Variants in WWOX observed in about 807,000 individuals in gnomAD.
WWOX encodes the protein WW domain containing oxidoreductase.
A neutral mutation model predicts 46.2 loss-of-function variants in WWOX; 69 were observed. The ratio of observed to expected loss-of-function variants is 1.49; its 90% CI spans 1.23 to 1.82. The LOEUF (loss-of-function observed/expected upper bound fraction) is 1.82, where lower values mean the gene tolerates loss of function less well. Ranked by LOEUF, WWOX falls within the 40% of genes most tolerant of loss-of-function variation. The pLI, the probability that WWOX is intolerant of heterozygous loss-of-function variation, is 0.00. For missense variants in WWOX, 919 were observed against 542.6 expected, an observed-to-expected ratio of 1.69 and a Z score of -6.89; for synonymous variants, 359 against 202.6, an observed-to-expected ratio of 1.77 and a Z score of -6.56.
chr16:78,569,073 C>T (rs938125708), intron 8 of WWOX, among the ~76,000 whole-genome samples: 2 of 152,128 alleles, frequency 1.3e-5, no homozygotes, highest in African/African-American at 2.4e-5. Flanking sequence ...TCATTACAGG[C>T]CACTCTGTCT....
intron 5 of WWOX, among the ~76,000 whole-genome samples, chr16:78,175,934 C>T (rs147356820): frequency 2.0e-5 from 3 of 152,110 alleles, no homozygotes; most frequent in African/African-American, 7.2e-5. Context: ...TGCAAGGAAT[C>T]CTAAGTTCCC....
In WWOX at chr16:78,383,573, C is replaced by T. The variant is rs146461826; in HGVS notation, c.517-3287C>T. Among the ~76,000 whole-genome samples the T allele has an allele frequency of 8.8e-3, 1,339 of 152,236 alleles. 9 individuals carry two copies. The highest frequency in any genetic ancestry group is 0.014 in the Non-Finnish European group (968 of 68,026). On this transcript the variant is annotated intron_variant, in intron 5 of 8. Coordinates refer to ENST00000566780, the MANE Select transcript of WWOX (RefSeq NM_016373.4). Reference sequence around the variant, plus strand: ...TCCGTTTGCAATCTGTCAGCCACTACCTTCTTATTTAGAGCATGTCCCACT... The same window carrying T: ...TCCGTTTGCAATCTGTCAGCCACTATCTTCTTATTTAGAGCATGTCCCACT...
chr16:78,699,315 C>T (rs2048163777), intron 8 of WWOX, among the ~76,000 whole-genome samples: 1 of 150,852 alleles, frequency 6.6e-6, no homozygotes, highest in Admixed American at 6.6e-5. Flanking sequence ...GGGTGGATCG[C>T]TTGAGCTGAG....
intron 5 of WWOX, among the ~76,000 whole-genome samples, chr16:78,211,853 G>A (rs1428621205): frequency 3.3e-5 from 5 of 152,164 alleles, no homozygotes; most frequent in African/African-American, 7.2e-5. Context: ...ACCAGAATAT[G>A]GTGTGGAAAG....
chr16:78,405,697 A>G (rs1382121187), intron 6 of WWOX, among the ~76,000 whole-genome samples: 1 of 152,178 alleles, frequency 6.6e-6, no homozygotes, highest in African/African-American at 2.4e-5. Flanking sequence ...AACAGGAAAT[A>G]TCCTCTTTTA....
At chr16:78,671,540 C>A (rs564867316) in intron 8 of WWOX, among the ~76,000 whole-genome samples, 2 of 152,106 alleles carry the variant, frequency 1.3e-5, no homozygotes, top group South Asian at 4.2e-4. Flanking sequence ...GTACAACAAC[C>A]CTGCCCCTTC....
intron 8 of WWOX, among the ~76,000 whole-genome samples, chr16:78,882,188 A>T (rs939299009): frequency 6.6e-6 from 1 of 152,228 alleles, no homozygotes; most frequent in Non-Finnish European, 1.5e-5. Flanking sequence ...ATTTTTAATT[A>T]TTAAGAATAA....
chr16:78,494,275 AG>A (rs1567605208), intron 8 of WWOX, among the ~76,000 whole-genome samples: 1 of 152,174 alleles, frequency 6.6e-6, no homozygotes, highest in Non-Finnish European at 1.5e-5. Context: ...AGAACAGATT[AG>A]CCCCCTATGC....
intron 6 of WWOX, among the ~76,000 whole-genome samples, chr16:78,416,027 A>G (rs2151953024): frequency 6.6e-6 from 1 of 152,332 alleles, no homozygotes; most frequent in Admixed American, 6.5e-5. Flanking sequence ...GCTGCCTTCC[A>G]TTGGAATCTC....
At chr16:78,356,886 A>G (rs372457302) in intron 5 of WWOX, among the ~76,000 whole-genome samples, 21 of 152,288 alleles carry the variant, frequency 1.4e-4, no homozygotes, top group East Asian at 1.4e-3. Context: ...CATCTCAAAA[A>G]ACAAACAAAA....
intron 8 of WWOX, among the ~76,000 whole-genome samples, chr16:79,015,653 C>A (rs1470212493): frequency 6.6e-6 from 1 of 152,312 alleles, no homozygotes; most frequent in African/African-American, 2.4e-5. Context: ...TTAGTCATGT[C>A]CCTAGTCCCT....
chr16:78,320,070 C>G (rs1031784935), intron 5 of WWOX, among the ~76,000 whole-genome samples: 2 of 152,158 alleles, frequency 1.3e-5, no homozygotes, highest in African/African-American at 4.8e-5. Flanking sequence ...GTATTTGTTT[C>G]TCTTTCTCCC....
chr16:78,647,500 G>A (rs2046871949), intron 8 of WWOX, among the ~76,000 whole-genome samples: 1 of 152,168 alleles, frequency 6.6e-6, no homozygotes, highest in Non-Finnish European at 1.5e-5. Context: ...CTTGGGGTCT[G>A]TTAGAGAAGG....
chr16:79,175,476 G>A (rs1039263955), intron 8 of WWOX, among the ~76,000 whole-genome samples: 1 of 152,174 alleles, frequency 6.6e-6, no homozygotes, highest in African/African-American at 2.4e-5. Context: ...CAGGAATCAC[G>A]TGACAATCTG....
At chr16:79,044,705 A>T (rs2048034277) in intron 8 of WWOX, among the ~76,000 whole-genome samples, 1 of 152,214 alleles carries the variant, frequency 6.6e-6, no homozygotes, top group South Asian at 2.1e-4. Flanking sequence ...AGAATGGCCT[A>T]ATACATGGTC....
intron 5 of WWOX, among the ~76,000 whole-genome samples, chr16:78,327,894 T>C (rs1217328571): frequency 1.6e-5 from 2 of 126,470 alleles, no homozygotes; most frequent in African/African-American, 3.1e-5. Context: ...TTTTTTTTTT[T>C]TTGAGATGAT....
intron 8 of WWOX, among the ~76,000 whole-genome samples, chr16:79,191,805 A>G (rs2051142226): frequency 2.6e-5 from 4 of 152,214 alleles, no homozygotes; most frequent in African/African-American, 9.6e-5. Context: ...TCTATTTAAA[A>G]AAATCATAGC....
intron 8 of WWOX, among the ~76,000 whole-genome samples, chr16:78,823,473 G>A (rs567424301): frequency 6.6e-6 from 1 of 152,266 alleles, no homozygotes; most frequent in African/African-American, 2.4e-5. Flanking sequence ...GTTCACCATG[G>A]TGACCCACAT....
At chr16:78,149,726 C>G (rs2034332014) in intron 4 of WWOX, among the ~76,000 whole-genome samples, 1 of 152,176 alleles carries the variant, frequency 6.6e-6, no homozygotes. Context: ...GTAATATCCA[C>G]AGAGAATAGA....
Sources: gnomAD v4.1 joint callset for allele counts (sites outside exome capture counted in the v4.1 genomes callset) on GRCh38, gnomAD v4.1.1 for gene constraint, MANE v1.5 for transcripts, NCBI Gene and HGNC (gene_info 2026-07-23, HGNC 2026-07-21) for gene names.